CELF2: variants seen among roughly 807,000 people sequenced by gnomAD.
CELF2 encodes the protein CUGBP Elav-like family member 2.
CELF2 carries 8 observed loss-of-function variants against 62.6 expected under a neutral mutation model. That is an observed-to-expected ratio of 0.13 (90% CI 0.07 to 0.23). The LOEUF (loss-of-function observed/expected upper bound fraction) is 0.23, where lower values mean the gene tolerates loss of function less well. CELF2 is among the 10% of genes least tolerant of loss of function. CELF2 has a pLI of 1.00. For synonymous variants in CELF2, 258 were observed against 250.0 expected, an observed-to-expected ratio of 1.03 and a Z score of -0.30; for missense variants, 333 against 671.0, an observed-to-expected ratio of 0.50 and a Z score of 5.56.
At chr10:10,727,735 C>A in the CELF2 span, among the ~76,000 whole-genome samples, 1 of 150,588 alleles carries the variant, frequency 6.6e-6, no homozygotes, top group East Asian at 1.9e-4. Context: ...GAGATCGCAC[C>A]ACTGCACTCC....
At chr10:10,584,818 A>G in the CELF2 span, among the ~76,000 whole-genome samples, 1 of 152,196 alleles carries the variant, frequency 6.6e-6, no homozygotes, top group Admixed American at 6.5e-5. Flanking sequence ...GATCATTTCA[A>G]ATGTGGGTTG....
chr10:10,905,861 GA>G (rs925052980), intron 1 of CELF2, among the ~76,000 whole-genome samples: 42 of 148,130 alleles, frequency 2.8e-4, no homozygotes, highest in African/African-American at 1.0e-3. Flanking sequence ...CTGGGTGACA[GA>G]GCAAGGCTCC....
chr10:11,120,309 A>G (rs1341381460), intron 1 of CELF2, among the ~76,000 whole-genome samples: 1 of 152,194 alleles, frequency 6.6e-6, no homozygotes, highest in African/African-American at 2.4e-5. Context: ...GTTAGTAGCA[A>G]GTAGCAAAAC....
Position 11,157,960 on chromosome 10 carries a change from T to G in CELF2, c.75-7526T>G, listed in dbSNP as rs1205719570. ...TGTGTCTTTCGTTTGCCCCCCTTGA[T>G]GTGGGTCCCTTTAATCATTTGTTGT... is the stretch of plus-strand genomic sequence containing the variant. On this transcript the variant is annotated intron_variant, in intron 1 of 12. Coordinates refer to ENST00000633077, the MANE Select transcript of CELF2 (RefSeq NM_001326342.2). The surrounding 1 kb of genome is among the most constrained non-coding windows in gnomAD (Gnocchi z 4.9). Among the ~76,000 whole-genome samples, 1 of 152,236 alleles carries G rather than the reference T, an allele frequency of 6.6e-6. No homozygotes were observed. Among genetic ancestry groups the G allele is most frequent in the African/African-American group, 2.4e-5 (1 of 41,454 alleles).
chr10:11,288,329 G>A, intron 8 of CELF2, 89 bp from the exon 9 acceptor site: 1 of 1,528,226 alleles, frequency 6.5e-7, no homozygotes, highest in Non-Finnish European at 8.9e-7. Flanking sequence ...CTCATCATGT[G>A]TCCTGACGAT....
At chr10:10,742,752 C>A in the CELF2 span, among the ~76,000 whole-genome samples, 2 of 152,170 alleles carry the variant, frequency 1.3e-5, no homozygotes, top group African/African-American at 4.8e-5. Flanking sequence ...GGCTGGCTAG[C>A]CAGCCTCACC....
chr10:11,169,725 G>A (rs778625383), intron 2 of CELF2, among the ~76,000 whole-genome samples: 2 of 152,192 alleles, frequency 1.3e-5, no homozygotes, highest in Non-Finnish European at 2.9e-5. Flanking sequence ...GTGTGTTGAC[G>A]TGTGTTGAGG....
chr10:10,600,781 C>T, the CELF2 span, among the ~76,000 whole-genome samples: 6 of 152,086 alleles, frequency 3.9e-5, no homozygotes, highest in Admixed American at 6.5e-5. Flanking sequence ...AATGAGCAAA[C>T]GAGTAGAACA....
At chr10:10,607,004 GA>G in the CELF2 span, among the ~76,000 whole-genome samples, 1 of 151,964 alleles carries the variant, frequency 6.6e-6, no homozygotes, top group Non-Finnish European at 1.5e-5. Flanking sequence ...TTTAATTAAA[GA>G]AAAAAACAAA....
chr10:11,073,979 C>T (rs1403281202), intron 1 of CELF2, among the ~76,000 whole-genome samples: 1 of 152,146 alleles, frequency 6.6e-6, no homozygotes, highest in Non-Finnish European at 1.5e-5. Flanking sequence ...AATTTGAAAA[C>T]CTACCTTAGA....
the CELF2 span, among the ~76,000 whole-genome samples, chr10:10,688,255 G>A: frequency 5.3e-5 from 8 of 152,170 alleles, no homozygotes; most frequent in Non-Finnish European, 8.8e-5. Context: ...TATATCTCAC[G>A]TTGCAGAATC....
At chr10:10,605,879 C>A in the CELF2 span, among the ~76,000 whole-genome samples, 1 of 152,150 alleles carries the variant, frequency 6.6e-6, no homozygotes, top group African/African-American at 2.4e-5. Context: ...TTTGGAACTG[C>A]GATAGGGCCT....
chr10:11,151,713 T>G (rs2063364349), intron 1 of CELF2, among the ~76,000 whole-genome samples: 1 of 152,080 alleles, frequency 6.6e-6, no homozygotes, highest in East Asian at 1.9e-4. Context: ...AAACCCTAAC[T>G]TGAGTCCCTG....
At chr10:10,871,566 A>G (rs949107027) in intron 1 of CELF2, among the ~76,000 whole-genome samples, 1 of 152,114 alleles carries the variant, frequency 6.6e-6, no homozygotes, top group Non-Finnish European at 1.5e-5. Flanking sequence ...AGGGCAGATC[A>G]CGAGGTCTAG....
At chr10:10,653,771 A>G in the CELF2 span, among the ~76,000 whole-genome samples, 1 of 148,878 alleles carries the variant, frequency 6.7e-6, no homozygotes, top group Non-Finnish European at 1.5e-5. Context: ...AGCAGGAAAG[A>G]TCCAAAATTG....
Position 10,931,807 on chromosome 10 carries a change from A to G in CELF2, c.89+11808A>G, listed in dbSNP as rs1019271367. Among the ~76,000 whole-genome samples, 2 of 152,224 alleles carry G rather than the reference A, an allele frequency of 1.3e-5. No homozygotes were observed. Among genetic ancestry groups the G allele is most frequent in the African/African-American group, 4.8e-5 (2 of 41,464 alleles). ...AGACATACCCACAACTGAGTAATTT[A>G]TAAAGACATGAGGTTTAATGGACTC... On this transcript the variant is annotated intron_variant, in intron 2 of 13. Coordinates refer to the CELF2 transcript ENST00000636488. This position sits in a 1 kb window ranked among gnomAD's most constrained non-coding sequence, Gnocchi z 6.1.
At chr10:10,633,291 A>C in the CELF2 span, among the ~76,000 whole-genome samples, 2 of 152,218 alleles carry the variant, frequency 1.3e-5, no homozygotes, top group Non-Finnish European at 2.9e-5. Flanking sequence ...CATCAGTTGC[A>C]CCATCAGAAA....
the CELF2 span, among the ~76,000 whole-genome samples, chr10:10,629,277 T>C: frequency 6.6e-6 from 1 of 152,144 alleles, no homozygotes; most frequent in Non-Finnish European, 1.5e-5. Context: ...CCCTGAACAC[T>C]CCTTGCTGTA....
chr10:10,911,713 C>G (rs1326841755), intron 1 of CELF2, among the ~76,000 whole-genome samples: 3 of 152,230 alleles, frequency 2.0e-5, no homozygotes, highest in Non-Finnish European at 1.5e-5. Flanking sequence ...AAGAGTAACT[C>G]CGCCTCCTGG....
Sources: gnomAD v4.1 joint callset for allele counts (sites outside exome capture counted in the v4.1 genomes callset) on GRCh38, gnomAD v4.1.1 for gene constraint, Gnocchi (gnomAD v3.1) non-coding constraint, MANE v1.5 for transcripts, NCBI Gene and HGNC (gene_info 2026-07-23, HGNC 2026-07-21) for gene names.